OSBPL3: variants seen among roughly 807,000 people sequenced by gnomAD.
OSBPL3 encodes the protein oxysterol-binding protein-related protein 3.
In OSBPL3, 65 loss-of-function variants were observed where a neutral mutation model predicts 120.1. The ratio of observed to expected loss-of-function variants is 0.54; its 90% CI spans 0.44 to 0.67. The LOEUF is 0.67. Among genes scored for constraint, OSBPL3 ranks in the 30% least tolerant of loss-of-function variants. OSBPL3 has a pLI of 0.00. For missense variants in OSBPL3, 1,004 were observed against 1,082.1 expected (o/e 0.93, Z 1.01); for synonymous variants, 416 against 402.6 (o/e 1.03, Z -0.40).
rs949479093 is a variant in OSBPL3 at position 24,805,497 on chromosome 7, G to A, written c.2445-1060C>T. ...TTGCCATTCTTTAAACACCACATACGTTATTAATATATACTGTATATTTCC... is the reference window on the plus strand; with the variant it reads ...TTGCCATTCTTTAAACACCACATACATTATTAATATATACTGTATATTTCC... On this transcript the variant is annotated intron_variant, in intron 21 of 22. Coordinates refer to ENST00000313367, the MANE Select transcript of OSBPL3 (RefSeq NM_015550.4). The surrounding 1 kb of genome is among the most constrained non-coding windows in gnomAD (Gnocchi z 4.0). Among the ~76,000 whole-genome samples the A allele has an allele frequency of 6.6e-6, 1 of 151,886 alleles. No individual in the cohort carries two copies. The highest frequency in any genetic ancestry group is 2.4e-5 in the African/African-American group (1 of 41,340).
intron 1 of OSBPL3, among the ~76,000 whole-genome samples, chr7:24,978,913 G>GGCAGCAAGCAAGTTGCGTT: frequency 6.6e-6 from 1 of 152,352 alleles, no homozygotes; most frequent in African/African-American, 2.4e-5. Flanking sequence ...GTGTGCAGAA[G>GGCAGCAAGCAAGTTGCGTT]GCAGCAAGCA....
chr7:24,954,055 T>A (rs970765231), intron 1 of OSBPL3, among the ~76,000 whole-genome samples: 1 of 152,174 alleles, frequency 6.6e-6, no homozygotes, highest in African/African-American at 2.4e-5. Context: ...AGACCTTCCT[T>A]CCTCTTTCAT....
intron 5 of OSBPL3, among the ~76,000 whole-genome samples, chr7:24,868,249 G>C (rs149116334): frequency 0.013 from 2,012 of 149,832 alleles, 41 homozygotes; most frequent in South Asian, 0.02. Context: ...CCTGGGAGGG[G>C]GAGGTTGCAA....
rs1246978328 is a variant in OSBPL3, at chr7:24,806,730, A to T, written c.2444+46T>A. 1 of 1,580,102 alleles carries T rather than the reference A, an allele frequency of 6.3e-7. No individual in the cohort carries two copies. On this transcript the variant is annotated intron_variant, in intron 21 of 22. Transcript: ENST00000313367. The surrounding 1 kb of genome is among the most constrained non-coding windows in gnomAD (Gnocchi z 5.2). The stretch of plus-strand genomic sequence containing the variant: ...AGGATTGTTAATAAGACTTTTTGTA[A>T]AGGGTTTTACATCTCTGGAGAGAAA...
At chr7:24,928,229 T>C (rs1359848743) in intron 1 of OSBPL3, among the ~76,000 whole-genome samples, 1 of 149,740 alleles carries the variant, frequency 6.7e-6, no homozygotes, top group African/African-American at 2.5e-5. Context: ...TCTCGCTCTG[T>C]CACCCAGGCT....
At position 24,964,905 on chromosome 7, in the gene OSBPL3, C is replaced by G. The variant is rs1816202692; in HGVS notation, c.-150+14981G>C. Reference sequence around the variant, plus strand: ...TAAGTAAAGTTGGACAAACATTGAGCAATACCTAAGCAGATGATCTCTAAG... The same window carrying G: ...TAAGTAAAGTTGGACAAACATTGAGGAATACCTAAGCAGATGATCTCTAAG... On this transcript the variant is annotated intron_variant, in intron 1 of 22. Transcript: ENST00000313367. This position sits in a 1 kb window ranked among gnomAD's most constrained non-coding sequence, Gnocchi z 4.2. 6.6e-6 allele frequency among the ~76,000 whole-genome samples: 1 copy of G among 152,150 alleles called. No individual in the cohort carries two copies. Among genetic ancestry groups the G allele is most frequent in the Non-Finnish European group, 1.5e-5 (1 of 68,030 alleles).
At chr7:24,954,382 A>T (rs1293113070) in intron 1 of OSBPL3, among the ~76,000 whole-genome samples, 1 of 152,242 alleles carries the variant, frequency 6.6e-6, no homozygotes, top group Non-Finnish European at 1.5e-5. Context: ...TAAAAGTTCT[A>T]TATAATTAAG....
In OSBPL3 at chr7:24,824,409, T is replaced by C. The variant is rs1010206429; in HGVS notation, c.1885-4171A>G. ...AGTATTTTTGTACTTTGTAAGTTTT[T>C]ATTTTTCAGATTTAGAAAAGTAGCC... On this transcript the variant is annotated intron_variant, in intron 16 of 22. Transcript: ENST00000313367. This position sits in a 1 kb window ranked among gnomAD's most constrained non-coding sequence, Gnocchi z 4.9. Among the ~76,000 whole-genome samples the C allele has an allele frequency of 2.0e-5, 3 of 152,248 alleles. No homozygotes were observed. Among genetic ancestry groups the C allele is most frequent in the Non-Finnish European group, 4.4e-5 (3 of 68,030 alleles).
chr7:24,920,241 A>G (rs950262278), intron 1 of OSBPL3, among the ~76,000 whole-genome samples: 1 of 152,244 alleles, frequency 6.6e-6, no homozygotes, highest in Non-Finnish European at 1.5e-5. Context: ...AGAAAAAGCT[A>G]AATATCTACT....
intron 1 of OSBPL3, among the ~76,000 whole-genome samples, chr7:24,950,905 T>A (rs920885618): frequency 6.6e-6 from 1 of 152,166 alleles, no homozygotes; most frequent in African/African-American, 2.4e-5. Context: ...AGAAGTCTGT[T>A]ACAAAATCAG....
rs189066652 is a variant in OSBPL3, at chr7:24,834,890, A to G, written c.1496-154T>C. Reference sequence around the variant, plus strand: ...GCTGAAGTCAGAAAACCGGCAAAAGAATTCTGAGCAATTAAATACCAAAAA... The same window carrying G: ...GCTGAAGTCAGAAAACCGGCAAAAGGATTCTGAGCAATTAAATACCAAAAA... On this transcript the variant is annotated intron_variant, in intron 14 of 22. Transcript: ENST00000313367. The surrounding 1 kb of genome is among the most constrained non-coding windows in gnomAD (Gnocchi z 5.2). Among the ~76,000 whole-genome samples the G allele has an allele frequency of 4.6e-3, 708 of 152,328 alleles. 6 individuals carry two copies. The highest frequency in any genetic ancestry group is 8.5e-3 in the Non-Finnish European group (576 of 68,022).
chr7:24,806,389 T>C lies in OSBPL3; in HGVS notation c.2444+387A>G, dbSNP rs1269493229. ...AAAGACCTACCATATATCACACACC[T>C]TGTGAGCAGCAACCTAGAATCAGCA... On this transcript the variant is annotated intron_variant, in intron 21 of 22. Transcript: ENST00000313367. The surrounding 1 kb of genome is among the most constrained non-coding windows in gnomAD (Gnocchi z 5.2). Among the ~76,000 whole-genome samples the C allele has an allele frequency of 6.6e-6, 1 of 152,158 alleles. No homozygotes were observed.
chr7:24,818,871 C>A lies in OSBPL3; in HGVS notation c.1948+1304G>T, dbSNP rs1314530133. Among the ~76,000 whole-genome samples, 2 of 151,976 alleles carry A rather than the reference C, an allele frequency of 1.3e-5. No individual in the cohort carries two copies. The highest frequency in any genetic ancestry group is 1.3e-4 in the Admixed American group (2 of 15,254). Reference sequence around the variant, plus strand: ...GGAAAAGGCTGATGGGGAAGTATGGCCTAGGAGAAGGATGCTAAGGCTGAG... The same window carrying A: ...GGAAAAGGCTGATGGGGAAGTATGGACTAGGAGAAGGATGCTAAGGCTGAG... On this transcript the variant is annotated intron_variant, in intron 17 of 22. Transcript: ENST00000313367. The surrounding 1 kb of genome is among the most constrained non-coding windows in gnomAD (Gnocchi z 4.0).
chr7:24,807,043 T>C (rs1584182969), intron 20 of OSBPL3, 141 bp from the exon 21 acceptor site: 1 of 706,750 alleles, frequency 1.4e-6, no homozygotes, highest in Non-Finnish European at 2.3e-6. Flanking sequence ...TTCTGACTAA[T>C]GAACAGGCAC....
At chr7:24,893,954 C>T (rs1805743453) in intron 1 of OSBPL3, among the ~76,000 whole-genome samples, 1 of 152,048 alleles carries the variant, frequency 6.6e-6, no homozygotes, top group African/African-American at 2.4e-5. Context: ...CTACAGCTTT[C>T]CTAAGCAGGT....
intron 1 of OSBPL3, among the ~76,000 whole-genome samples, chr7:24,945,411 A>G (rs912730006): frequency 6.6e-6 from 1 of 152,226 alleles, no homozygotes; most frequent in Admixed American, 6.5e-5. Flanking sequence ...ATATTATTCT[A>G]GGAATTGGAG....
chr7:24,916,925 C>A lies in OSBPL3; in HGVS notation c.-149-24304G>T, dbSNP rs1490346203. On this transcript the variant is annotated intron_variant, in intron 1 of 22. Transcript: ENST00000313367. The surrounding 1 kb of genome is among the most constrained non-coding windows in gnomAD (Gnocchi z 4.9). ...AAGACGTCTTCCATTTCCACCCCCCCCAACCTTTTTAGAAAATTAAATAAA... is the reference window on the plus strand; with the variant it reads ...AAGACGTCTTCCATTTCCACCCCCCACAACCTTTTTAGAAAATTAAATAAA... Among the ~76,000 whole-genome samples, 2 of 151,620 alleles carry A rather than the reference C, an allele frequency of 1.3e-5. No individual in the cohort carries two copies. The highest frequency in any genetic ancestry group is 1.3e-4 in the Admixed American group (2 of 15,222).
At chr7:24,908,748 A>G (rs112848162) in intron 1 of OSBPL3, among the ~76,000 whole-genome samples, 5 of 152,358 alleles carry the variant, frequency 3.3e-5, no homozygotes, top group African/African-American at 1.2e-4. Context: ...AAAAGAAATT[A>G]CTGATGTTCT....
chr7:24,863,159 G>A lies in OSBPL3; in HGVS notation c.870+41C>T, dbSNP rs1263251969. On this transcript the variant is annotated intron_variant, in intron 9 of 22. Transcript: ENST00000313367. The surrounding 1 kb of genome is among the most constrained non-coding windows in gnomAD (Gnocchi z 5.8). ...GCTGGCACACGGCATGCAGAGCAGG[G>A]CCAATGAAGAAACCAGTCTGTCAGG... 3.0e-5 allele frequency: 43 copies of A among 1,418,396 alleles called. No homozygotes were observed. The highest frequency in any genetic ancestry group is 3.9e-5 in the Non-Finnish European group (39 of 1,001,358). The allele number at this position is 1,418,396 out of a possible 1,614,324, so 87.9% of individuals were successfully genotyped here.
Sources: gnomAD v4.1 joint callset for allele counts (sites outside exome capture counted in the v4.1 genomes callset) on GRCh38, gnomAD v4.1.1 for gene constraint, Gnocchi (gnomAD v3.1) non-coding constraint, MANE v1.5 for transcripts, NCBI Gene and HGNC (gene_info 2026-07-23, HGNC 2026-07-21) for gene names.